SDK1: variants seen among roughly 807,000 people sequenced by gnomAD.
SDK1 encodes sidekick cell adhesion molecule 1, also known as protein sidekick-1.
Under a neutral mutation model 245.5 loss-of-function variants are expected in SDK1, and 157 were observed. The observed-to-expected ratio is 0.64, with a 90% CI of 0.56 to 0.73. SDK1 has a LOEUF of 0.73. SDK1 is among the 30% of genes least tolerant of loss of function. SDK1 has a pLI of 0.00. For missense variants in SDK1, 3,583 were observed against 3,002.3 expected (o/e 1.19, Z -4.52); for synonymous variants, 1,647 against 1,278.5 (o/e 1.29, Z -6.15).
chr7:3,805,444 C>T (rs527262921), intron 4 of SDK1, among the ~76,000 whole-genome samples: 5 of 152,282 alleles, frequency 3.3e-5, no homozygotes, highest in South Asian at 2.1e-4. Context: ...TGTGACATGA[C>T]GTAGTCTTTG....
chr7:3,463,203 T>C (rs567778912), intron 1 of SDK1, among the ~76,000 whole-genome samples: 1 of 152,244 alleles, frequency 6.6e-6, no homozygotes, highest in African/African-American at 2.4e-5. Context: ...CATAGTCCTT[T>C]AGGTTTACAT....
At chr7:4,110,917 A>T (rs1358911645) in intron 23 of SDK1, 145 bp downstream of exon 23, 1 of 641,818 alleles carries the variant, frequency 1.6e-6, no homozygotes, top group Non-Finnish European at 2.8e-6. Flanking sequence ...AGCCTTAAGG[A>T]GCAGGCGGGA....
At chr7:3,829,689 G>A (rs937281726) in intron 5 of SDK1, among the ~76,000 whole-genome samples, 1 of 152,198 alleles carries the variant, frequency 6.6e-6, no homozygotes, top group African/African-American at 2.4e-5. Flanking sequence ...CTTGGGAGGA[G>A]GCCATCCAGC....
intron 17 of SDK1, among the ~76,000 whole-genome samples, chr7:4,030,378 G>A (rs1008055001): frequency 2.0e-5 from 3 of 152,234 alleles, no homozygotes; most frequent in African/African-American, 4.8e-5. Flanking sequence ...TTTCAGTTCA[G>A]CATAAGGGAA....
intron 1 of SDK1, among the ~76,000 whole-genome samples, chr7:3,350,069 T>C (rs1269844885): frequency 6.6e-6 from 1 of 152,146 alleles, no homozygotes; most frequent in Non-Finnish European, 1.5e-5. Flanking sequence ...TAACAAAAGG[T>C]CATGCTATTG....
At chr7:3,794,140 G>T (rs936044833) in intron 4 of SDK1, among the ~76,000 whole-genome samples, 1 of 152,078 alleles carries the variant, frequency 6.6e-6, no homozygotes, top group African/African-American at 2.4e-5. Context: ...AGTATCATGA[G>T]GTATTTCAGA....
At chr7:3,914,947 G>T (rs964377818) in intron 5 of SDK1, among the ~76,000 whole-genome samples, 1 of 152,314 alleles carries the variant, frequency 6.6e-6, no homozygotes, top group Admixed American at 6.5e-5. Flanking sequence ...CTCATTTTAG[G>T]TGGTTGTTGA....
At chr7:3,893,900 A>G (rs182990613) in intron 5 of SDK1, among the ~76,000 whole-genome samples, 1 of 152,178 alleles carries the variant, frequency 6.6e-6, no homozygotes, top group Non-Finnish European at 1.5e-5. Flanking sequence ...ATTTTCCAGT[A>G]TTAAGGATTT....
At chr7:3,570,423 C>T (rs962927039) in intron 1 of SDK1, among the ~76,000 whole-genome samples, 1 of 152,120 alleles carries the variant, frequency 6.6e-6, no homozygotes, top group East Asian at 1.9e-4. Context: ...CTGCTCACCT[C>T]CTGCTGTGCA....
intron 1 of SDK1, among the ~76,000 whole-genome samples, chr7:3,403,833 A>G (rs1241065207): frequency 4.5e-5 from 2 of 44,278 alleles, no homozygotes; most frequent in African/African-American, 4.6e-4. Context: ...ACATATATAT[A>G]TATATATATA....
chr7:3,428,621 C>T (rs1779742900), intron 1 of SDK1, among the ~76,000 whole-genome samples: 1 of 152,080 alleles, frequency 6.6e-6, no homozygotes, highest in Non-Finnish European at 1.5e-5. Context: ...GGTCCATAGC[C>T]CTATAGGAAC....
chr7:3,778,873 G>T (rs1257589308), intron 4 of SDK1, among the ~76,000 whole-genome samples: 1 of 152,176 alleles, frequency 6.6e-6, no homozygotes, highest in African/African-American at 2.4e-5. Context: ...ACACTACTCA[G>T]GTGGGAGACT....
At chr7:3,645,490 A>G (rs1374665629) in intron 4 of SDK1, among the ~76,000 whole-genome samples, 1 of 152,234 alleles carries the variant, frequency 6.6e-6, no homozygotes, top group Non-Finnish European at 1.5e-5. Flanking sequence ...ACATCGTCCA[A>G]AGACATATAG....
chr7:4,199,944 A>T (rs1048073556), intron 35 of SDK1, among the ~76,000 whole-genome samples: 108 of 152,222 alleles, frequency 7.1e-4, no homozygotes, highest in African/African-American at 2.5e-3. Context: ...AAAATACAAA[A>T]ATTAGCCGGG....
chr7:4,023,701 G>A (rs1380380448), intron 17 of SDK1, among the ~76,000 whole-genome samples: 1 of 152,200 alleles, frequency 6.6e-6, no homozygotes, highest in East Asian at 1.9e-4. Context: ...TAGCTTGGGA[G>A]GGAGAGTACT....
chr7:4,057,184 C>T (rs1402213561), intron 19 of SDK1, among the ~76,000 whole-genome samples: 2 of 152,110 alleles, frequency 1.3e-5, no homozygotes, highest in Non-Finnish European at 2.9e-5. Context: ...ACCTGGGGGT[C>T]ACCCCACCCC....
chr7:3,997,866 C>G (rs1408881133), intron 14 of SDK1, among the ~76,000 whole-genome samples: 1 of 152,246 alleles, frequency 6.6e-6, no homozygotes, highest in East Asian at 1.9e-4. Flanking sequence ...ATTCATGGCA[C>G]TCATGCTCGC....
intron 5 of SDK1, among the ~76,000 whole-genome samples, chr7:3,896,638 T>A (rs775318621): frequency 3.9e-5 from 6 of 152,170 alleles, no homozygotes; most frequent in Middle Eastern, 3.2e-3. Flanking sequence ...AGCTGGACAC[T>A]CTTTTGTTTT....
rs115550563 is a variant in SDK1 at position 3,698,567 on chromosome 7, C to T, written c.713+56462C>T. ...CACAGAACCCTCTGCACCTCTATCT[C>T]AGCTCAGGCTGCTATAGTAAAACAC... On this transcript the variant is annotated intron_variant, in intron 4 of 44. Coordinates refer to ENST00000404826, the MANE Select transcript of SDK1 (RefSeq NM_152744.4). 7.0e-3 allele frequency among the ~76,000 whole-genome samples: 1,064 copies of T among 152,302 alleles called. 22 individuals are homozygous for T. Among genetic ancestry groups the T allele is most frequent in the African/African-American group, 0.025 (1,024 of 41,560 alleles).
Sources: gnomAD v4.1 joint callset for allele counts (sites outside exome capture counted in the v4.1 genomes callset) on GRCh38, gnomAD v4.1.1 for gene constraint, MANE v1.5 for transcripts, NCBI Gene and HGNC (gene_info 2026-07-23, HGNC 2026-07-21) for gene names.